The following SNX29 variants were observed in gnomAD, a reference collection of about 807,000 sequenced individuals.
The protein encoded by SNX29 is sorting nexin-29.
A neutral mutation model predicts 102.1 loss-of-function variants in SNX29; 78 were observed. The observed-to-expected ratio is 0.76, with a 90% confidence interval of 0.64 to 0.92. SNX29 has a LOEUF of 0.92. Ranked by LOEUF, SNX29 falls within the 40% of genes least tolerant of loss-of-function variation. The probability of loss-of-function intolerance (pLI) is 0.00; values close to 1 mark genes in which losing one functional copy is unlikely to be tolerated. For missense variants in SNX29, 1,280 were observed against 1,061.7 expected, an observed-to-expected ratio of 1.21 and a Z score of -2.86; for synonymous variants, 580 against 414.5, an observed-to-expected ratio of 1.40 and a Z score of -4.85.
At chr16:12,032,197 C>T (rs1329626900) in intron 4 of SNX29, among the ~76,000 whole-genome samples, 1 of 145,438 alleles carries the variant, frequency 6.9e-6, no homozygotes, top group Admixed American at 6.8e-5. Flanking sequence ...CCTTCTTCTT[C>T]TTCTTCTTTT....
rs139324004 is a variant in SNX29 at position 12,204,128 on chromosome 16, G to A, written c.1678+4445G>A. Among the ~76,000 whole-genome samples the A allele has an allele frequency of 3.4e-3, 519 of 152,222 alleles. 2 individuals carry two copies. Among genetic ancestry groups the A allele is most frequent in the African/African-American group, 0.012 (504 of 41,520 alleles). The stretch of plus-strand genomic sequence containing the variant: ...CATAGAGATTGGGAATGAGGCCATC[G>A]CACAGAAAGAGCAGCTGAGCTGAAA... On this transcript the variant is annotated intron_variant, in intron 14 of 20. Coordinates refer to ENST00000566228, the MANE Select transcript of SNX29 (RefSeq NM_032167.5).
At chr16:12,132,613 C>T (rs774326117) in intron 13 of SNX29, among the ~76,000 whole-genome samples, 7 of 152,138 alleles carry the variant, frequency 4.6e-5, no homozygotes, top group Admixed American at 2.0e-4. Flanking sequence ...ATGAGTGAGG[C>T]GTCTTAAGTG....
chr16:12,286,537 G>T (rs1161076720), intron 15 of SNX29, among the ~76,000 whole-genome samples: 1 of 151,688 alleles, frequency 6.6e-6, no homozygotes, highest in Admixed American at 6.6e-5. Flanking sequence ...AGTAGAGATG[G>T]GGTTTCACCG....
chr16:12,198,361 AATGTTAAT>A lies in SNX29; in HGVS notation c.1596-1238_1596-1231del, dbSNP rs1444406443. On this transcript the variant is annotated intron_variant, in intron 13 of 20. Coordinates refer to ENST00000566228, the MANE Select transcript of SNX29 (RefSeq NM_032167.5). ...AGAGAAATAATAGGATGGATATAAA[AATGTTAAT>A]AGGGTTTATTTCAAGGTATTGGGGT... is the stretch of plus-strand genomic sequence containing the variant. Among the ~76,000 whole-genome samples, 3 of 152,294 alleles carry A rather than the reference AATGTTAAT, an allele frequency of 2.0e-5. No individual in the cohort carries two copies. The East Asian group carries it at 5.8e-4, about 29-fold the overall frequency.
At chr16:12,090,761 A>G (rs546166209) in intron 11 of SNX29, among the ~76,000 whole-genome samples, 1 of 152,264 alleles carries the variant, frequency 6.6e-6, no homozygotes, top group South Asian at 2.1e-4. Context: ...CTGTAATCCC[A>G]GCACTTTGGG....
intron 19 of SNX29, among the ~76,000 whole-genome samples, chr16:12,502,697 C>G (rs1371923689): frequency 1.3e-5 from 2 of 152,174 alleles, no homozygotes; most frequent in African/African-American, 4.8e-5. Flanking sequence ...CTTTTGTTCT[C>G]AGTACCCTCT....
intron 11 of SNX29, chr16:12,090,227 G>C (rs12926900): frequency 0.28 from 41,914 of 152,306 alleles, 5,767 homozygotes; most frequent in Admixed American, 0.31. Flanking sequence ...GGGGTGTTCT[G>C]AGGTCCAAAC....
chr16:12,470,840 G>T (rs1391401547), intron 18 of SNX29, among the ~76,000 whole-genome samples: 1 of 152,188 alleles, frequency 6.6e-6, no homozygotes, highest in Non-Finnish European at 1.5e-5. Flanking sequence ...AGGTGATAAG[G>T]GTTACAATAT....
intron 18 of SNX29, among the ~76,000 whole-genome samples, chr16:12,447,008 A>G (rs972640842): frequency 6.6e-6 from 1 of 151,660 alleles, no homozygotes; most frequent in Non-Finnish European, 1.5e-5. Context: ...CTACTATAAT[A>G]TAAAAAAAAT....
At chr16:12,115,559 A>G (rs1406379173) in intron 11 of SNX29, among the ~76,000 whole-genome samples, 1 of 151,692 alleles carries the variant, frequency 6.6e-6, no homozygotes, top group Non-Finnish European at 1.5e-5. Flanking sequence ...CTGTAAAGGC[A>G]CATAGAACAG....
chr16:12,118,831 G>A (rs1309587789), intron 11 of SNX29, among the ~76,000 whole-genome samples: 3 of 152,232 alleles, frequency 2.0e-5, no homozygotes, highest in African/African-American at 4.8e-5. Flanking sequence ...CGAGGCTGCT[G>A]TGGGAGTTCC....
At chr16:12,378,062 G>A (rs1279430665) in intron 16 of SNX29, among the ~76,000 whole-genome samples, 2 of 152,170 alleles carry the variant, frequency 1.3e-5, no homozygotes, top group Non-Finnish European at 2.9e-5. Flanking sequence ...TGCAAAACAA[G>A]GAATTTTTTA....
intron 18 of SNX29, among the ~76,000 whole-genome samples, chr16:12,421,296 G>T (rs1412271300): frequency 6.6e-6 from 1 of 152,230 alleles, no homozygotes; most frequent in Admixed American, 6.5e-5. Flanking sequence ...TGGAAATTCA[G>T]AGTAGGCTGC....
At chr16:12,547,757 C>G (rs2077701234) in intron 20 of SNX29, among the ~76,000 whole-genome samples, 1 of 152,186 alleles carries the variant, frequency 6.6e-6, no homozygotes, top group Non-Finnish European at 1.5e-5. Flanking sequence ...TCCTGTGAAG[C>G]TGCAGCTGCT....
At chr16:12,117,394 C>A (rs8048030) in intron 11 of SNX29, among the ~76,000 whole-genome samples, 1 of 142,418 alleles carries the variant, frequency 7.0e-6, no homozygotes, top group African/African-American at 2.7e-5. Context: ...TGGAAACAGG[C>A]GTGGTCAATA....
chr16:12,109,409 A>G (rs959213064), intron 11 of SNX29, among the ~76,000 whole-genome samples: 4 of 152,096 alleles, frequency 2.6e-5, no homozygotes, highest in Admixed American at 1.3e-4. Flanking sequence ...GAGTGCATGA[A>G]TGGTTCAATA....
intron 15 of SNX29, among the ~76,000 whole-genome samples, chr16:12,304,177 T>C (rs993422816): frequency 6.7e-6 from 1 of 149,082 alleles, no homozygotes; most frequent in African/African-American, 2.6e-5. Flanking sequence ...TATCACTGTT[T>C]TTTGTTTTTT....
chr16:12,541,266 T>G (rs1013042221), intron 20 of SNX29, among the ~76,000 whole-genome samples: 1 of 152,148 alleles, frequency 6.6e-6, no homozygotes, highest in African/African-American at 2.4e-5. Flanking sequence ...AGGGAGAGAA[T>G]GACAGGAGCA....
chr16:12,089,249 C>T (rs541991589), intron 11 of SNX29, among the ~76,000 whole-genome samples: 4 of 151,880 alleles, frequency 2.6e-5, no homozygotes, highest in South Asian at 4.2e-4. Context: ...GAAGATTGTT[C>T]GAGCCTAGGA....
Sources: gnomAD v4.1 joint callset for allele counts (sites outside exome capture counted in the v4.1 genomes callset) on GRCh38, gnomAD v4.1.1 for gene constraint, MANE v1.5 for transcripts, NCBI Gene and HGNC (gene_info 2026-07-23, HGNC 2026-07-21) for gene names.